The following LZTS1 variants were observed in gnomAD, a reference collection of about 807,000 sequenced individuals.
The protein encoded by LZTS1 is leucine zipper putative tumor suppressor 1.
LZTS1 carries 31 observed loss-of-function variants against 45.8 expected under a neutral mutation model. The observed-to-expected ratio is 0.68, with a 90% CI of 0.51 to 0.91. The LOEUF is 0.91. Ranked by LOEUF, LZTS1 falls within the 40% of genes least tolerant of loss-of-function variation. The pLI, the probability that LZTS1 is intolerant of heterozygous loss-of-function variation, is 0.00. For synonymous variants in LZTS1, 359 were observed against 357.3 expected, an observed-to-expected ratio of 1.00 and a Z score of -0.05; for missense variants, 821 against 788.9, an observed-to-expected ratio of 1.04 and a Z score of -0.49.
chr8:20,259,411 A>G (rs1484825872), intron 1 of LZTS1, among the ~76,000 whole-genome samples: 1 of 152,150 alleles, frequency 6.6e-6, no homozygotes, highest in East Asian at 1.9e-4. Flanking sequence ...GAATCTGTTT[A>G]TGGTTCTCAT....
At chr8:20,276,750 C>T (rs575077338) in intron 1 of LZTS1, among the ~76,000 whole-genome samples, 1 of 152,162 alleles carries the variant, frequency 6.6e-6, no homozygotes, top group Non-Finnish European at 1.5e-5. Flanking sequence ...GTAGGTAGTG[C>T]CATAAATGAA....
chr8:20,252,722 A>AG (rs1799961538), intron 3 of LZTS1, 60 bp downstream of exon 3: 43 of 1,407,570 alleles, frequency 3.1e-5, no homozygotes, highest in Non-Finnish European at 4.0e-5. Context: ...CCAGAAGGAG[A>AG]GGGGGGTACT....
At chr8:20,296,883 T>C (rs1379302480) in intron 1 of LZTS1, among the ~76,000 whole-genome samples, 2 of 152,214 alleles carry the variant, frequency 1.3e-5, no homozygotes, top group African/African-American at 4.8e-5. Context: ...TCACATCTGT[T>C]CAGACACCGA....
chr8:20,253,579 C>A lies in LZTS1; in HGVS notation c.352G>T (p.Glu118Ter). The A allele has an allele frequency of 2.8e-6, 4 of 1,454,132 alleles. No individual in the cohort carries two copies. The highest frequency in any genetic ancestry group is 3.6e-6 in the Non-Finnish European group (4 of 1,105,280). 90.1% of individuals were successfully genotyped at this position (1,454,132 alleles called of 1,614,324 possible). Residue 118 changes from glutamate (E) to a stop codon, truncating the protein, a stop_gained, in exon 3 of 4, where the codon GAG (glutamate) becomes TAG (stop). Coordinates refer to ENST00000381569, the MANE Select transcript of LZTS1 (RefSeq NM_021020.5). LOFTEE classifies it high-confidence loss of function. ...GCTGTGGGCCTCACTGCACCCTTCT[C>A]GGAGCCCTGTAGAGGAAAAGGACCG... ...PFSNQLEMGS[E>*]KGAVRPTAFK...
At chr8:20,293,259 G>A (rs74760679) in intron 1 of LZTS1, among the ~76,000 whole-genome samples, 2,293 of 152,286 alleles carry the variant, frequency 0.015, 77 homozygotes, top group East Asian at 0.12. Context: ...GTTCCCTGCT[G>A]TCTACCAAAT....
At chr8:20,294,345 CTG>C (rs1228125685) in intron 1 of LZTS1, among the ~76,000 whole-genome samples, 3 of 152,268 alleles carry the variant, frequency 2.0e-5, no homozygotes, top group Non-Finnish European at 4.4e-5. Flanking sequence ...GCCACGCATC[CTG>C]CCCACACCTG....
At position 20,253,054 on chromosome 8, in the gene LZTS1, G is replaced by C. The variant is rs1162726393; in HGVS notation, c.877C>G (p.Leu293Val). The change falls in exon 3 of 4, where the codon CTG becomes GTG. Residue 293 changes from leucine (L) to valine (V), a missense_variant. Leu to Val is a conservative substitution (Grantham distance 32). Transcript: ENST00000381569. ...CGCCGCGGCCGCTCCTCGTAGGCCA[G>C]GCTGGAGGCAAGCTCCTTCTCCTCA... ...SFEEKELASSLAYEERPRRCR... is the reference protein window; with the variant it reads ...SFEEKELASSVAYEERPRRCR... The C allele has an allele frequency of 8.7e-6, 14 of 1,606,674 alleles. No homozygotes were observed. The African/African-American group carries it at 1.6e-4, about 18-fold the overall frequency.
intron 1 of LZTS1, among the ~76,000 whole-genome samples, chr8:20,259,431 C>G (rs4921698): frequency 0.73 from 110,615 of 152,050 alleles, 41,379 homozygotes; most frequent in East Asian, 0.9. Context: ...TCCATCTCCT[C>G]TCACCTCCAT....
At chr8:20,301,440 G>A (rs1024943388) in intron 1 of LZTS1, among the ~76,000 whole-genome samples, 1 of 152,042 alleles carries the variant, frequency 6.6e-6, no homozygotes, top group African/African-American at 2.4e-5. Context: ...TAAGTGTTAC[G>A]GTATTATCCA....
At chr8:20,267,348 G>A (rs1435712654) in intron 1 of LZTS1, among the ~76,000 whole-genome samples, 1 of 152,028 alleles carries the variant, frequency 6.6e-6, no homozygotes, top group African/African-American at 2.4e-5. Context: ...GTAGGAGGGC[G>A]GTGCTGCAGT....
At chr8:20,257,427 C>T (rs1056479374) in intron 1 of LZTS1, among the ~76,000 whole-genome samples, 1 of 152,042 alleles carries the variant, frequency 6.6e-6, no homozygotes, top group East Asian at 1.9e-4. Context: ...TGCATTTGGC[C>T]ATGTGGAGAT....
At chr8:20,256,408 C>T (rs573889278) in intron 1 of LZTS1, among the ~76,000 whole-genome samples, 2 of 152,170 alleles carry the variant, frequency 1.3e-5, no homozygotes, top group Non-Finnish European at 2.9e-5. Flanking sequence ...GAAGGTCACT[C>T]TGGCTTCCGG....
At chr8:20,270,485 T>C (rs1482749690) in intron 1 of LZTS1, among the ~76,000 whole-genome samples, 2 of 152,120 alleles carry the variant, frequency 1.3e-5, no homozygotes, top group Non-Finnish European at 2.9e-5. Flanking sequence ...TTAAGGGAAC[T>C]TTGGAGCTTG....
At chr8:20,281,813 G>A (rs1215708050) in intron 1 of LZTS1, among the ~76,000 whole-genome samples, 3 of 152,164 alleles carry the variant, frequency 2.0e-5, no homozygotes, top group Non-Finnish European at 4.4e-5. Context: ...AGAACTGTGA[G>A]CCAAATAAAC....
At chr8:20,272,912 C>G (rs922438423) in intron 1 of LZTS1, among the ~76,000 whole-genome samples, 1 of 152,226 alleles carries the variant, frequency 6.6e-6, no homozygotes, top group African/African-American at 2.4e-5. Context: ...AAATAACATA[C>G]AAGCTCCTGG....
intron 1 of LZTS1, among the ~76,000 whole-genome samples, chr8:20,271,482 A>AGC (rs985536706): frequency 1.4e-4 from 22 of 152,274 alleles, no homozygotes; most frequent in African/African-American, 5.1e-4. Context: ...GAGTGTTACC[A>AGC]GCAGCAAGGC....
intron 1 of LZTS1, among the ~76,000 whole-genome samples, chr8:20,268,112 C>T (rs1038735112): frequency 1.3e-5 from 2 of 151,980 alleles, no homozygotes; most frequent in African/African-American, 2.4e-5. Context: ...ATTAGATCCT[C>T]GCATTTCTTG....
At position 20,253,613 on chromosome 8, in the gene LZTS1, C is replaced by A. The variant is rs1371964924; in HGVS notation, c.346-28G>T. ...GTAGAGGAAAAGGACCGCGGTGACT[C>A]ATGCCTCCCCTGCGCGCGCATTGCA... On this transcript the variant is annotated intron_variant, in intron 2 of 3. Transcript: ENST00000381569. The A allele has an allele frequency of 7.7e-6, 11 of 1,422,954 alleles. No individual in the cohort carries two copies. The African/African-American group carries it at 1.6e-4, about 20-fold the overall frequency. 88.1% of individuals were successfully genotyped at this position (1,422,954 alleles called of 1,614,324 possible). A position where few individuals can be genotyped will look rare whatever the true frequency, so the allele number is the denominator to read the frequency against.
intron 1 of LZTS1, among the ~76,000 whole-genome samples, chr8:20,270,797 CTCTGTGTGTGTGTG>C (rs1198404828): frequency 2.0e-5 from 2 of 99,416 alleles, no homozygotes; most frequent in South Asian, 3.8e-4. Flanking sequence ...CGAGTGTGTC[CTCTGTGTGTGTGTG>C]TGTGTGTGTG....
Sources: gnomAD v4.1 joint callset for allele counts (sites outside exome capture counted in the v4.1 genomes callset) on GRCh38, gnomAD v4.1.1 for gene constraint, MANE v1.5 for transcripts, NCBI Gene and HGNC (gene_info 2026-07-23, HGNC 2026-07-21) for gene names.